DAB1: variants seen among roughly 807,000 people sequenced by gnomAD.
DAB1 encodes disabled homolog 1.
Under a neutral mutation model 64.6 loss-of-function variants are expected in DAB1, and 15 were observed. The ratio of observed to expected loss-of-function variants is 0.23; its 90% CI spans 0.16 to 0.36. The LOEUF (loss-of-function observed/expected upper bound fraction) is 0.36. DAB1 is among the 10% of genes least tolerant of loss of function. The pLI is 1.00. For synonymous variants in DAB1, 235 were observed against 251.9 expected, an observed-to-expected ratio of 0.93 and a Z score of 0.64; for missense variants, 596 against 706.7, an observed-to-expected ratio of 0.84 and a Z score of 1.78.
intron 6 of DAB1, among the ~76,000 whole-genome samples, chr1:57,700,284 A>G (rs959058402): frequency 5.3e-5 from 8 of 152,188 alleles, no homozygotes; most frequent in Admixed American, 1.3e-4. Flanking sequence ...GTACAGTAAT[A>G]CTTTTACTAA....
chr1:58,047,524 A>G lies in DAB1; in HGVS notation n.387+102987T>C, dbSNP rs6696684. ...AAGCCACCAGCCCCTGTGTCCTACT[A>G]ATCTTTATCATAGCCCCTTCACTCC... On this transcript the variant is annotated intron_variant and non_coding_transcript_variant, in intron 5 of 20. Coordinates refer to the DAB1 transcript ENST00000485760. 5.3e-5 allele frequency among the ~76,000 whole-genome samples: 8 copies of G among 152,082 alleles called. No homozygotes were observed. In the East Asian group the frequency reaches 1.4e-3, roughly 26 times the overall value.
chr1:58,359,589 C>G (rs1644144305), intron 3 of DAB1, among the ~76,000 whole-genome samples: 1 of 152,154 alleles, frequency 6.6e-6, no homozygotes, highest in Non-Finnish European at 1.5e-5. Flanking sequence ...ACAGAGAAAC[C>G]TAAGGCGTAC....
At chr1:57,223,126 C>A (rs759687572) in intron 2 of DAB1, among the ~76,000 whole-genome samples, 1 of 152,106 alleles carries the variant, frequency 6.6e-6, no homozygotes, top group African/African-American at 2.4e-5. Flanking sequence ...TTCCTTTTGC[C>A]GCCAAAATGC....
intron 3 of DAB1, among the ~76,000 whole-genome samples, chr1:58,379,546 A>T (rs1644368669): frequency 1.3e-5 from 2 of 152,246 alleles, no homozygotes; most frequent in African/African-American, 4.8e-5. Context: ...TATTTCTAAT[A>T]ACTACCTATT....
intron 6 of DAB1, among the ~76,000 whole-genome samples, chr1:57,779,495 G>A (rs559078174): frequency 6.6e-6 from 1 of 152,104 alleles, no homozygotes; most frequent in East Asian, 1.9e-4. Context: ...ATAAGCAAAG[G>A]AGTGATAATA....
At chr1:57,720,007 T>C (rs911163801) in intron 6 of DAB1, among the ~76,000 whole-genome samples, 8 of 152,178 alleles carry the variant, frequency 5.3e-5, no homozygotes, top group Admixed American at 2.0e-4. Context: ...ATCTGTGAAA[T>C]GTGGGGTTAG....
At chr1:57,372,598 G>C (rs1353293809) in intron 1 of DAB1, among the ~76,000 whole-genome samples, 1 of 151,762 alleles carries the variant, frequency 6.6e-6, no homozygotes, top group African/African-American at 2.4e-5. Flanking sequence ...TGGCACACAA[G>C]CTCCATAAAA....
At chr1:57,208,740 AC>A (rs1235675775) in intron 2 of DAB1, among the ~76,000 whole-genome samples, 1 of 152,154 alleles carries the variant, frequency 6.6e-6, no homozygotes, top group East Asian at 1.9e-4. Context: ...TACATGATAC[AC>A]CTATTTATTA....
At chr1:58,493,871 C>A (rs9662224) in intron 3 of DAB1, among the ~76,000 whole-genome samples, 1 of 151,200 alleles carries the variant, frequency 6.6e-6, no homozygotes, top group Non-Finnish European at 1.5e-5. Context: ...CAATGCCATC[C>A]CCATCAAGCT....
At chr1:57,961,254 A>C (rs1044269425) in intron 5 of DAB1, among the ~76,000 whole-genome samples, 2 of 152,180 alleles carry the variant, frequency 1.3e-5, no homozygotes, top group Non-Finnish European at 2.9e-5. Flanking sequence ...TATAGGTAAT[A>C]TGTATGTGTC....
intron 1 of DAB1, among the ~76,000 whole-genome samples, chr1:57,371,361 C>A (rs1250620748): frequency 2.6e-5 from 4 of 152,172 alleles, no homozygotes; most frequent in Non-Finnish European, 5.9e-5. Context: ...TTTCAATGTA[C>A]TTTTTATGTG....
At chr1:57,371,178 C>T (rs188574785) in intron 1 of DAB1, among the ~76,000 whole-genome samples, 176 of 152,274 alleles carry the variant, frequency 1.2e-3, no homozygotes, top group African/African-American at 3.8e-3. Flanking sequence ...AAAGACCAGA[C>T]GGGGGACCTG....
intron 4 of DAB1, among the ~76,000 whole-genome samples, chr1:57,129,907 T>C (rs1657499432): frequency 6.6e-6 from 1 of 152,040 alleles, no homozygotes; most frequent in African/African-American, 2.4e-5. Context: ...GTTCCTCCCT[T>C]CTGTGTTTCA....
intron 7 of DAB1, among the ~76,000 whole-genome samples, chr1:57,634,466 A>G (rs1328957064): frequency 6.6e-6 from 1 of 152,234 alleles, no homozygotes; most frequent in Middle Eastern, 3.2e-3. Context: ...ATATAATAGT[A>G]TGCATATCCC....
At chr1:57,511,368 A>G (rs1570585272) in intron 7 of DAB1, among the ~76,000 whole-genome samples, 1 of 152,246 alleles carries the variant, frequency 6.6e-6, no homozygotes, top group East Asian at 1.9e-4. Context: ...ATTACACCCA[A>G]CAAGCTGTTT....
At chr1:58,048,764 C>A (rs1425351419) in intron 5 of DAB1, 7 of 1,240,724 alleles carry the variant, frequency 5.6e-6, no homozygotes, top group Admixed American at 1.7e-5. Context: ...GCTTTCCTAA[C>A]TTCACAGTTG....
chr1:58,055,944 T>A (rs553770284), intron 5 of DAB1, among the ~76,000 whole-genome samples: 1 of 151,254 alleles, frequency 6.6e-6, no homozygotes, highest in African/African-American at 2.4e-5. Flanking sequence ...CCCTATGTTG[T>A]TCAGGCTGGT....
intron 7 of DAB1, among the ~76,000 whole-genome samples, chr1:57,504,556 C>T (rs954967244): frequency 3.3e-5 from 5 of 152,074 alleles, no homozygotes; most frequent in African/African-American, 1.2e-4. Flanking sequence ...TGATTGGATA[C>T]ATAAATGAAT....
chr1:57,523,416 T>C (rs1465324938), intron 7 of DAB1, among the ~76,000 whole-genome samples: 2 of 152,246 alleles, frequency 1.3e-5, no homozygotes, highest in Non-Finnish European at 1.5e-5. Context: ...GCATAGTTTC[T>C]AATCAGCTCA....
Sources: gnomAD v4.1 joint callset for allele counts (sites outside exome capture counted in the v4.1 genomes callset) on GRCh38, gnomAD v4.1.1 for gene constraint, MANE v1.5 for transcripts, NCBI Gene and HGNC (gene_info 2026-07-23, HGNC 2026-07-21) for gene names.